Variants in EVI5 observed in about 807,000 individuals in gnomAD.
The protein encoded by EVI5 is ecotropic viral integration site 5, also known as ecotropic viral integration site 5 protein homolog.
A neutral mutation model predicts 112.0 loss-of-function variants in EVI5; 73 were observed. The observed-to-expected ratio is 0.65, with a 90% CI of 0.54 to 0.79. EVI5 has a LOEUF of 0.79. Ranked by LOEUF, EVI5 falls within the 30% of genes least tolerant of loss-of-function variation. The pLI is 0.00. For missense variants in EVI5, 900 were observed against 968.8 expected, an observed-to-expected ratio of 0.93 and a Z score of 0.94; for synonymous variants, 305 against 319.9, an observed-to-expected ratio of 0.95 and a Z score of 0.50.
chr1:92,676,570 C>T lies in EVI5; in HGVS notation c.1158+588G>A, dbSNP rs558794960. ...TCCCAGCTCCAACAGTGCCACAGAC[C>T]CTCACCTCAAGAATTCCGTGTTTTA... On this transcript the variant is annotated intron_variant, in intron 10 of 19. Transcript: ENST00000684568. 5.9e-5 allele frequency among the ~76,000 whole-genome samples: 9 copies of T among 152,188 alleles called. No homozygotes were observed. The East Asian group carries it at 1.4e-3, about 23-fold the overall frequency.
At chr1:92,518,789 T>C (rs1294852116) in intron 19 of EVI5, among the ~76,000 whole-genome samples, 1 of 152,078 alleles carries the variant, frequency 6.6e-6, no homozygotes, top group Non-Finnish European at 1.5e-5. Flanking sequence ...CTCAGTGAAG[T>C]TTCAGGACAC....
At chr1:92,517,645 G>A (rs1215652358) in intron 19 of EVI5, among the ~76,000 whole-genome samples, 1 of 152,180 alleles carries the variant, frequency 6.6e-6, no homozygotes, top group East Asian at 1.9e-4. Context: ...TCTACCACCT[G>A]ATGGTTGACA....
At chr1:92,723,804 C>T (rs1042212249) in intron 2 of EVI5, among the ~76,000 whole-genome samples, 7 of 152,036 alleles carry the variant, frequency 4.6e-5, no homozygotes, top group Admixed American at 2.0e-4. Flanking sequence ...GCAGAAATAT[C>T]GCTGAATTAT....
chr1:92,626,000 A>T, intron 14 of EVI5, 66 bp from the exon 15 acceptor site: 1 of 964,770 alleles, frequency 1.0e-6, no homozygotes, highest in Non-Finnish European at 1.6e-6. Context: ...CACACACAAC[A>T]GCTATTGTGT....
chr1:92,657,466 C>T (rs373406234), intron 13 of EVI5, among the ~76,000 whole-genome samples: 1 of 152,058 alleles, frequency 6.6e-6, no homozygotes, highest in African/African-American at 2.4e-5. Flanking sequence ...AGTTCAAGGC[C>T]AGCCTGGGTA....
chr1:92,708,004 C>T (rs960444132), intron 2 of EVI5, among the ~76,000 whole-genome samples: 1 of 152,022 alleles, frequency 6.6e-6, no homozygotes, highest in African/African-American at 2.4e-5. Flanking sequence ...CAAAAGAGTA[C>T]ATACGATATG....
intron 19 of EVI5, among the ~76,000 whole-genome samples, chr1:92,557,431 G>A (rs542337119): frequency 3.3e-4 from 50 of 151,934 alleles, no homozygotes; most frequent in Middle Eastern, 6.8e-3. Flanking sequence ...TTACAGGCAC[G>A]CACCACCATG....
intron 13 of EVI5, among the ~76,000 whole-genome samples, chr1:92,649,157 G>C (rs1479719412): frequency 2.6e-5 from 4 of 151,988 alleles, no homozygotes; most frequent in Admixed American, 2.0e-4. Flanking sequence ...TTGCTTTTTG[G>C]CCATCTGCAT....
intron 16 of EVI5, among the ~76,000 whole-genome samples, chr1:92,615,428 C>T (rs1346908173): frequency 6.6e-6 from 1 of 152,196 alleles, no homozygotes; most frequent in Non-Finnish European, 1.5e-5. Flanking sequence ...GATGCATGCA[C>T]AGCCTTGCCA....
chr1:92,688,440 G>T (rs1457144059), intron 9 of EVI5, among the ~76,000 whole-genome samples: 1 of 152,148 alleles, frequency 6.6e-6, no homozygotes, highest in Admixed American at 6.5e-5. Context: ...TCTCTCAGGG[G>T]ATACTCCCTC....
intron 2 of EVI5, among the ~76,000 whole-genome samples, chr1:92,728,246 T>C (rs1675890887): frequency 6.6e-6 from 1 of 152,062 alleles, no homozygotes; most frequent in African/African-American, 2.4e-5. Flanking sequence ...TAAAAAGAAA[T>C]AGATAAATCC....
At position 92,784,926 on chromosome 1, in the gene EVI5, C is replaced by T; in HGVS notation, c.-172G>A. ...CGCGTCTCAGCGCCTCGGCCCCGCT[C>T]CTGGCTCCACGGGTCGCCCGTCCCG... On this transcript the variant is annotated 5_prime_UTR_variant, in exon 1 of 20. Transcript: ENST00000684568. 1 of 986,376 alleles carries T rather than the reference C, an allele frequency of 1.0e-6. No individual in the cohort carries two copies. The highest frequency in any genetic ancestry group is 1.2e-6 in the Non-Finnish European group (1 of 830,752). 61.1% of individuals were successfully genotyped at this position (986,376 alleles called of 1,614,324 possible). A position where few individuals can be genotyped will look rare whatever the true frequency, so the allele number is the denominator to read the frequency against.
intron 9 of EVI5, among the ~76,000 whole-genome samples, chr1:92,683,501 C>T (rs1667946435): frequency 6.6e-6 from 1 of 152,190 alleles, no homozygotes; most frequent in South Asian, 2.1e-4. Flanking sequence ...ACCTCTTCGC[C>T]TCCAAAGGAT....
At chr1:92,634,534 T>C (rs1006408717) in intron 14 of EVI5, among the ~76,000 whole-genome samples, 3 of 152,148 alleles carry the variant, frequency 2.0e-5, no homozygotes, top group Non-Finnish European at 4.4e-5. Flanking sequence ...CTCCATCAGG[T>C]CCTTTAAGGA....
intron 19 of EVI5, among the ~76,000 whole-genome samples, chr1:92,553,450 G>A (rs963785611): frequency 3.3e-5 from 5 of 151,848 alleles, no homozygotes; most frequent in Non-Finnish European, 5.9e-5. Context: ...TTACAGGCGT[G>A]CACCACCACG....
chr1:92,568,757 G>A (rs569418045), intron 18 of EVI5, among the ~76,000 whole-genome samples: 56 of 152,146 alleles, frequency 3.7e-4, no homozygotes, highest in Admixed American at 2.8e-3. Flanking sequence ...GAAGACTGTC[G>A]CCATGATCCA....
At chr1:92,660,483 A>G (rs541208984) in intron 13 of EVI5, among the ~76,000 whole-genome samples, 1 of 152,126 alleles carries the variant, frequency 6.6e-6, no homozygotes, top group African/African-American at 2.4e-5. Flanking sequence ...ACAGTTAGAT[A>G]GGAAGAATAA....
chr1:92,763,999 T>G (rs115586704), intron 1 of EVI5, among the ~76,000 whole-genome samples: 1 of 152,080 alleles, frequency 6.6e-6, no homozygotes, highest in Non-Finnish European at 1.5e-5. Context: ...ACCAAACTAA[T>G]CTATGTTGGT....
intron 19 of EVI5, among the ~76,000 whole-genome samples, chr1:92,555,616 G>A (rs961415066): frequency 2.0e-5 from 3 of 152,184 alleles, no homozygotes; most frequent in East Asian, 1.9e-4. Flanking sequence ...TTGGGAGGCC[G>A]AGGGGCACAG....
Sources: allele counts gnomAD v4.1 joint callset (sites outside exome capture counted in the v4.1 genomes callset), GRCh38; gene constraint gnomAD v4.1.1; transcripts MANE v1.5; gene names NCBI Gene and HGNC (gene_info 2026-07-23, HGNC 2026-07-21).